Variants in ADAMTS18 observed in about 807,000 individuals in gnomAD.
ADAMTS18 encodes the protein ADAM metallopeptidase with thrombospondin type 1 motif 18, also known as A disintegrin and metalloproteinase with thrombospondin motifs 18.
A neutral mutation model predicts 165.9 loss-of-function variants in ADAMTS18; 157 were observed. That is an observed-to-expected ratio of 0.95 (90% CI 0.83 to 1.08). ADAMTS18 has a LOEUF of 1.08. ADAMTS18 is among the 50% of genes least tolerant of loss of function. The probability of loss-of-function intolerance (pLI) is 0.00; values close to 1 mark genes in which losing one functional copy is unlikely to be tolerated. For missense variants in ADAMTS18, 2,040 were observed against 1,534.0 expected, an observed-to-expected ratio of 1.33 and a Z score of -5.51; for synonymous variants, 782 against 578.2, an observed-to-expected ratio of 1.35 and a Z score of -5.06.
chr16:77,366,471 T>C lies in ADAMTS18; in HGVS notation c.778+970A>G, dbSNP rs8054547. Among the ~76,000 whole-genome samples the C allele has an allele frequency of 9.7e-3, 1,478 of 152,208 alleles. 17 individuals are homozygous for C. The highest frequency in any genetic ancestry group is 0.034 in the African/African-American group (1,394 of 41,520). On this transcript the variant is annotated intron_variant, in intron 4 of 22. Transcript: ENST00000282849. ...TAGTAGGGAGTCTGAGGCAGGAGAA[T>C]TGCTTGAACCTGGTGGGGTGGAGGT...
intron 3 of ADAMTS18, among the ~76,000 whole-genome samples, chr16:77,416,573 C>A (rs2057533221): frequency 6.6e-6 from 1 of 152,158 alleles, no homozygotes; most frequent in South Asian, 2.1e-4. Flanking sequence ...GTAAGATGTG[C>A]TTTTGCTTCT....
chr16:77,289,491 C>CATGACA, intron 21 of ADAMTS18, 80 bp from the exon 22 acceptor site: 1 of 1,534,468 alleles, frequency 6.5e-7, no homozygotes, highest in South Asian at 1.1e-5. Context: ...TCCCATGCTT[C>CATGACA]ATGACATTAA....
rs1330972973 is a variant in ADAMTS18, at chr16:77,282,235, A to G, written c.*1721T>C. The G allele has an allele frequency of 6.6e-6, 1 of 152,164 alleles. No individual in the cohort carries two copies. Among genetic ancestry groups the G allele is most frequent in the Non-Finnish European group, 1.5e-5 (1 of 68,026 alleles). 9.4% of individuals were successfully genotyped at this position (152,164 alleles called of 1,614,324 possible). On this transcript the variant is annotated 3_prime_UTR_variant, in exon 23 of 23. Coordinates refer to ENST00000282849, the MANE Select transcript of ADAMTS18 (RefSeq NM_199355.4). Reference sequence around the variant, plus strand: ...AATCCATGGTTTTATTCAACATTTTATCTCAAAATATTACTTAGAGAAGCA... The same window carrying G: ...AATCCATGGTTTTATTCAACATTTTGTCTCAAAATATTACTTAGAGAAGCA...
At position 77,290,116 on chromosome 16, in the gene ADAMTS18, C is replaced by G. The variant is rs538580375; in HGVS notation, c.3403-705G>C. ...AAATGTACATATGCATTATAATTGA[C>G]TGTAGTTTCTGTCTCAATTAAAATT... On this transcript the variant is annotated intron_variant, in intron 21 of 22. Transcript: ENST00000282849. Among the ~76,000 whole-genome samples, 131 of 152,192 alleles carry G rather than the reference C, an allele frequency of 8.6e-4. No homozygotes were observed. The Middle Eastern group carries it at 0.014, about 16-fold the overall frequency.
chr16:77,420,146 T>A (rs1365332262), intron 3 of ADAMTS18, among the ~76,000 whole-genome samples: 1 of 151,134 alleles, frequency 6.6e-6, no homozygotes, highest in Non-Finnish European at 1.5e-5. Flanking sequence ...ATTTGATAAT[T>A]TCCCAAAGGT....
intron 8 of ADAMTS18, among the ~76,000 whole-genome samples, chr16:77,357,628 G>T (rs976505970): frequency 6.6e-6 from 1 of 152,170 alleles, no homozygotes; most frequent in African/African-American, 2.4e-5. Flanking sequence ...AACTTACTTA[G>T]AACTTCAGTG....
chr16:77,289,418 C>A lies in ADAMTS18; in HGVS notation c.3403-7G>T, dbSNP rs376483253. On this transcript the variant is annotated splice_polypyrimidine_tract_variant and splice_region_variant and intron_variant, in intron 21 of 22. Transcript: ENST00000282849. ...CCCCACAGGTGACTGTGCACTGCAGCAGAGAGAAGAGGAAGGAGTCAGAAA... is the reference window on the plus strand; with the variant it reads ...CCCCACAGGTGACTGTGCACTGCAGAAGAGAGAAGAGGAAGGAGTCAGAAA... 6.2e-7 allele frequency: 1 copy of A among 1,613,836 alleles called. No homozygotes were observed. The highest frequency in any genetic ancestry group is 8.5e-7 in the Non-Finnish European group (1 of 1,179,918).
At chr16:77,288,399 A>AT (rs72443461) in intron 22 of ADAMTS18, among the ~76,000 whole-genome samples, 28,338 of 149,652 alleles carry the variant, frequency 0.19, 2,934 homozygotes, top group South Asian at 0.29. Context: ...CTACAGAGCT[A>AT]TTTTTTTTTT....
chr16:77,364,521 T>G, intron 4 of ADAMTS18, 140 bp from the exon 5 acceptor site: 1 of 919,326 alleles, frequency 1.1e-6, no homozygotes, highest in Admixed American at 2.4e-5. Context: ...ATGCTATCAG[T>G]GCCTGCCCAG....
In ADAMTS18 at chr16:77,288,069, A is replaced by T. The variant is rs74025773; in HGVS notation, c.3550+1195T>A. Reference sequence around the variant, plus strand: ...TAGCCCTACACTCATGCATTTATTCATTTAAGACTTATTGAGTACCTGTTG... The same window carrying T: ...TAGCCCTACACTCATGCATTTATTCTTTTAAGACTTATTGAGTACCTGTTG... On this transcript the variant is annotated intron_variant, in intron 22 of 22. Coordinates refer to ENST00000282849, the MANE Select transcript of ADAMTS18 (RefSeq NM_199355.4). Among the ~76,000 whole-genome samples, 1,302 of 152,244 alleles carry T rather than the reference A, an allele frequency of 8.6e-3. 23 individuals carry two copies. Among genetic ancestry groups the T allele is most frequent in the African/African-American group, 0.029 (1,222 of 41,568 alleles).
chr16:77,426,150 T>C (rs1567558814), intron 3 of ADAMTS18, among the ~76,000 whole-genome samples: 2 of 152,206 alleles, frequency 1.3e-5, no homozygotes, highest in South Asian at 4.1e-4. Context: ...TTAAAAGGTA[T>C]GAAATATGTT....
chr16:77,334,033 T>TATATGCTATATATAATATACAGTGCTAA (rs2056237521), intron 12 of ADAMTS18, among the ~76,000 whole-genome samples: 1 of 138,246 alleles, frequency 7.2e-6, no homozygotes, highest in Admixed American at 7.8e-5. Context: ...TACAGTGCAA[T>TATATGCTATATATAATATACAGTGCTAA]ATATGCTATA....
In ADAMTS18 at chr16:77,431,604, G is replaced by C. The variant is rs562833187; in HGVS notation, c.186C>G (p.Val62=). 2.5e-6 allele frequency: 4 copies of C among 1,613,908 alleles called. No individual in the cohort carries two copies. In the Admixed American group the frequency reaches 5.0e-5, roughly 20 times the overall value. ...AGTCTACTTCTACTGGCGTGACAAA[G>C]ACGTAATCTGCAATGGGAAAAGTTC... The part of the protein sequence containing the change: ...SGASGLNDDY[V]FVTPVEVDSA... Residue 62 remains valine (V), a synonymous_variant, in exon 3 of 23, where the codon GTC becomes GTG. Transcript: ENST00000282849.
intron 3 of ADAMTS18, among the ~76,000 whole-genome samples, chr16:77,394,577 C>A (rs1390894571): frequency 6.6e-6 from 1 of 152,012 alleles, no homozygotes; most frequent in East Asian, 1.9e-4. Context: ...CCTTAATATA[C>A]AGAAAGAGGA....
Position 77,362,248 on chromosome 16 carries a change from T to G in ADAMTS18, c.1073A>C (p.Asn358Thr), listed in dbSNP as rs189808171. ...LEQEPGGLLINHHADQSLNSF... is the reference protein window; with the variant it reads ...LEQEPGGLLITHHADQSLNSF... The stretch of plus-strand genomic sequence containing the variant: ...ATTCAGAGACTGGTCTGCATGATGG[T>G]TGATCAATAATCCTCCCTATGGGAA... Residue 358 changes from asparagine to threonine, a missense_variant, in exon 7 of 23, where the codon AAC (asparagine) becomes ACC (threonine). Transcript: ENST00000282849. The G allele has an allele frequency of 8.7e-5, 141 of 1,614,164 alleles. No individual in the cohort carries two copies. In the Admixed American group the frequency reaches 2.3e-3, roughly 27 times the overall value.
At position 77,381,734 on chromosome 16, in the gene ADAMTS18, G is replaced by A. The variant is rs186564361; in HGVS notation, c.496-14011C>T. On this transcript the variant is annotated intron_variant, in intron 3 of 22. Transcript: ENST00000282849. ...GGGGAATCACTTGAACCCAGGAGGC[G>A]GAGGTTGCAGTGAGCCGAGATCATG... Among the ~76,000 whole-genome samples the A allele has an allele frequency of 9.8e-4, 149 of 152,280 alleles. 1 individual carries two copies. Among genetic ancestry groups the A allele is most frequent in the African/African-American group, 3.1e-3 (130 of 41,554 alleles).
intron 16 of ADAMTS18, among the ~76,000 whole-genome samples, chr16:77,314,004 T>C (rs1347979768): frequency 1.3e-5 from 2 of 152,174 alleles, no homozygotes; most frequent in Non-Finnish European, 2.9e-5. Context: ...CTCCAAACTA[T>C]CCTGGCCATA....
chr16:77,293,359 A>C, intron 19 of ADAMTS18, 101 bp from the exon 20 acceptor site: 1 of 1,063,158 alleles, frequency 9.4e-7, no homozygotes, highest in Admixed American at 1.9e-5. Flanking sequence ...GAAAGGTGGG[A>C]TAAACTCCAT....
At position 77,434,411 on chromosome 16, in the gene ADAMTS18, T is replaced by C. The variant is rs1467660501; in HGVS notation, c.178+7A>G. On this transcript the variant is annotated splice_region_variant and intron_variant, in intron 2 of 22. Transcript: ENST00000282849. ...GCCCTTCTTGGGGATGGGGGGCAAA[T>C]ACGAACCATCATTTAATCCGCTGGC... 1.9e-6 allele frequency: 3 copies of C among 1,567,110 alleles called. No homozygotes were observed. The highest frequency in any genetic ancestry group is 2.6e-6 in the Non-Finnish European group (3 of 1,162,806).
Sources: allele counts gnomAD v4.1 joint callset (sites outside exome capture counted in the v4.1 genomes callset), GRCh38; gene constraint gnomAD v4.1.1; transcripts MANE v1.5; gene names NCBI Gene and HGNC (gene_info 2026-07-23, HGNC 2026-07-21).